CSMD1: variants seen among roughly 807,000 people sequenced by gnomAD.
CSMD1 encodes CUB and Sushi multiple domains 1.
A neutral mutation model predicts 417.5 loss-of-function variants in CSMD1; 213 were observed. That is an observed-to-expected ratio of 0.51 (90% confidence interval 0.46 to 0.57). CSMD1 has a LOEUF of 0.57. Ranked by LOEUF, CSMD1 falls within the 20% of genes least tolerant of loss-of-function variation. The pLI is 0.00. For missense variants in CSMD1, 6,923 were observed against 4,529.7 expected (o/e 1.53, Z -15.17); for synonymous variants, 2,862 against 1,736.8 (o/e 1.65, Z -16.11).
chr8:3,311,722 T>G (rs942006521), intron 23 of CSMD1, among the ~76,000 whole-genome samples: 4 of 152,210 alleles, frequency 2.6e-5, no homozygotes, highest in African/African-American at 9.6e-5. Context: ...TGAACCATCA[T>G]AAGTTGTGGG....
intron 12 of CSMD1, among the ~76,000 whole-genome samples, chr8:3,459,831 G>T (rs974257303): frequency 6.6e-6 from 1 of 151,988 alleles, no homozygotes; most frequent in African/African-American, 2.4e-5. Context: ...ATTGGCTACT[G>T]GGCTATAATT....
At chr8:4,802,241 G>C (rs1400470501) in intron 1 of CSMD1, among the ~76,000 whole-genome samples, 1 of 152,134 alleles carries the variant, frequency 6.6e-6, no homozygotes, top group Non-Finnish European at 1.5e-5. Context: ...AGTAGTGTTT[G>C]CCCTTTTCCC....
intron 1 of CSMD1, among the ~76,000 whole-genome samples, chr8:4,971,647 T>C (rs1254184953): frequency 6.6e-6 from 1 of 151,412 alleles, no homozygotes; most frequent in East Asian, 1.9e-4. Context: ...TATAGTCTTA[T>C]TCTTACTTCC....
chr8:4,876,933 C>T (rs898114775), intron 1 of CSMD1, among the ~76,000 whole-genome samples: 2 of 151,906 alleles, frequency 1.3e-5, no homozygotes, highest in Non-Finnish European at 2.9e-5. Context: ...AATCCATGCA[C>T]ACAAAAATTA....
chr8:4,409,173 G>A (rs1006325992), intron 3 of CSMD1, among the ~76,000 whole-genome samples: 41 of 152,088 alleles, frequency 2.7e-4, no homozygotes, highest in Admixed American at 2.6e-3. Flanking sequence ...CCTTCAAATG[G>A]GAGATTTTTA....
intron 1 of CSMD1, among the ~76,000 whole-genome samples, chr8:4,956,660 C>T (rs960756024): frequency 2.0e-5 from 3 of 151,824 alleles, no homozygotes; most frequent in African/African-American, 7.3e-5. Flanking sequence ...ATGAAACTTT[C>T]AGAAAACAAA....
intron 33 of CSMD1, among the ~76,000 whole-genome samples, chr8:3,198,302 A>G (rs193223134): frequency 6.6e-6 from 1 of 152,334 alleles, no homozygotes; most frequent in Admixed American, 6.5e-5. Context: ...TCCAGGAGAA[A>G]AAATGTTGAG....
intron 1 of CSMD1, among the ~76,000 whole-genome samples, chr8:4,987,532 A>C (rs182749603): frequency 6.8e-4 from 104 of 152,308 alleles, no homozygotes; most frequent in Admixed American, 2.3e-3. Flanking sequence ...CTTGAATTTC[A>C]TTGAGGTTGA....
At chr8:3,774,993 C>A (rs1384044697) in intron 5 of CSMD1, among the ~76,000 whole-genome samples, 1 of 151,976 alleles carries the variant, frequency 6.6e-6, no homozygotes, top group East Asian at 1.9e-4. Flanking sequence ...AGGGGCGATT[C>A]CCACTCCCGG....
At chr8:3,655,659 G>A (rs968879569) in intron 7 of CSMD1, among the ~76,000 whole-genome samples, 1 of 139,562 alleles carries the variant, frequency 7.2e-6, no homozygotes, top group Non-Finnish European at 1.5e-5. Context: ...TGGAGGTTGC[G>A]TTTTTTTTTT....
intron 2 of CSMD1, among the ~76,000 whole-genome samples, chr8:4,513,530 TC>T (rs1258559447): frequency 6.6e-6 from 1 of 152,190 alleles, no homozygotes; most frequent in Non-Finnish European, 1.5e-5. Context: ...AGAAGAACTC[TC>T]GTTTCATGAA....
intron 1 of CSMD1, chr8:4,788,487 T>G: frequency 5.3e-6 from 7 of 1,332,616 alleles, no homozygotes; most frequent in Non-Finnish European, 7.6e-6. Flanking sequence ...ATATTTGGGG[T>G]AGACAACCAT....
intron 10 of CSMD1, among the ~76,000 whole-genome samples, chr8:3,498,390 T>C (rs1796455626): frequency 6.6e-6 from 1 of 152,206 alleles, no homozygotes; most frequent in Non-Finnish European, 1.5e-5. Flanking sequence ...TTTTCTTTTT[T>C]CTTTTTCTTG....
Position 3,142,642 on chromosome 8 carries a change from C to A in CSMD1, c.6064G>T (p.Glu2022Ter). The A allele has an allele frequency of 1.2e-6, 2 of 1,613,800 alleles. No individual in the cohort carries two copies. Among genetic ancestry groups the A allele is most frequent in the Non-Finnish European group, 1.7e-6 (2 of 1,179,820 alleles). The change falls in exon 41 of 70, where the codon GAA becomes TAA. Residue 2022 changes from glutamate to a stop codon, truncating the protein, a stop_gained. Transcript: ENST00000635120. LOFTEE classifies it high-confidence loss of function. ...AHIQFLNFST[E>*]ANHDFLEIQN... ...ATTTCAAGGAAGTCATGATTAGCTTCGGTAGAAAAATTCAGAAACTGAATA... is the reference window on the plus strand; with the variant it reads ...ATTTCAAGGAAGTCATGATTAGCTTAGGTAGAAAAATTCAGAAACTGAATA...
At chr8:4,337,817 A>C (rs941865167) in intron 3 of CSMD1, among the ~76,000 whole-genome samples, 7 of 152,194 alleles carry the variant, frequency 4.6e-5, no homozygotes, top group Admixed American at 1.3e-4. Flanking sequence ...CAGTAGAATA[A>C]ATCAGGTAAT....
chr8:4,263,196 T>TTCTAG (rs149974792), intron 3 of CSMD1, among the ~76,000 whole-genome samples: 10,900 of 152,150 alleles, frequency 0.072, 509 homozygotes, highest in East Asian at 0.16. Flanking sequence ...GTGCCGTGTA[T>TTCTAG]TCTAGTATTC....
chr8:3,835,527 A>C (rs1024267803), intron 5 of CSMD1, among the ~76,000 whole-genome samples: 1 of 152,014 alleles, frequency 6.6e-6, no homozygotes, highest in African/African-American at 2.4e-5. Context: ...ATGAGAACAC[A>C]TGGACACAGG....
chr8:4,686,282 C>T (rs921029018), intron 1 of CSMD1, among the ~76,000 whole-genome samples: 13 of 152,188 alleles, frequency 8.5e-5, no homozygotes, highest in South Asian at 4.1e-4. Flanking sequence ...TTCTTTTCAA[C>T]GGCCCATTAA....
At chr8:3,914,830 T>C (rs1808707650) in intron 5 of CSMD1, among the ~76,000 whole-genome samples, 1 of 152,196 alleles carries the variant, frequency 6.6e-6, no homozygotes, top group South Asian at 2.1e-4. Context: ...AGTGTCCTTA[T>C]GCTAGAATGC....
Sources: gnomAD v4.1 joint callset for allele counts (sites outside exome capture counted in the v4.1 genomes callset) on GRCh38, gnomAD v4.1.1 for gene constraint, MANE v1.5 for transcripts, NCBI Gene and HGNC (gene_info 2026-07-23, HGNC 2026-07-21) for gene names.